GPN1: variants seen among roughly 807,000 people sequenced by gnomAD.
The protein encoded by GPN1 is GPN-loop GTPase 1.
GPN1 carries 44 observed loss-of-function variants against 55.9 expected under a neutral mutation model. The ratio of observed to expected loss-of-function variants is 0.79; its 90% CI spans 0.62 to 1.01. The LOEUF is 1.01. Ranked by LOEUF, GPN1 falls within the 50% of genes least tolerant of loss-of-function variation. GPN1 has a pLI of 0.00. For synonymous variants in GPN1, 179 were observed against 162.5 expected (o/e 1.10, Z -0.77); for missense variants, 466 against 462.8 (o/e 1.01, Z -0.06).
chr2:27,634,796 T>G (rs551518607), intron 5 of GPN1, 50 bp from the exon 6 acceptor site: 1 of 1,018,666 alleles, frequency 9.8e-7, no homozygotes, highest in East Asian at 2.4e-5. Flanking sequence ...TGGAATATCC[T>G]TCAGCATAAC....
chr2:27,647,039 A>G (rs1674267277), intron 12 of GPN1, among the ~76,000 whole-genome samples: 2 of 151,412 alleles, frequency 1.3e-5, no homozygotes, highest in Admixed American at 6.5e-5. Flanking sequence ...GAGGAAAGTC[A>G]CAAGTATAGT....
At chr2:27,628,955 C>T (rs1673408559), upstream of GPN1, 14 of 1,563,670 alleles carry the variant, frequency 9.0e-6, no homozygotes, top group African/African-American at 1.4e-5. Context: ...CTCACCCGCT[C>T]CTTTCTGACG....
chr2:27,629,219 G>A, intron 1 of GPN1, 50 bp downstream of exon 1: 1 of 1,591,532 alleles, frequency 6.3e-7, no homozygotes, highest in Non-Finnish European at 8.6e-7. Flanking sequence ...GGTTGCCTCC[G>A]GCAGGCGGAA....
rs532534880 is a variant in GPN1 at position 27,643,129 on chromosome 2, T to C, written c.931+610T>C. 1.3e-5 allele frequency among the ~76,000 whole-genome samples: 2 copies of C among 151,684 alleles called. No individual in the cohort carries two copies. The highest frequency in any genetic ancestry group is 1.3e-4 in the Admixed American group (2 of 15,262). The stretch of plus-strand genomic sequence containing the variant: ...CTTTGGCAATATACTTGATGTGTGC[T>C]GTGGTGGTTTTTTTTGTTTGTTTCT... On this transcript the variant is annotated intron_variant, in intron 12 of 13. Coordinates refer to ENST00000610189, the MANE Select transcript of GPN1 (RefSeq NM_007266.4). This position sits in a 1 kb window ranked among gnomAD's most constrained non-coding sequence, Gnocchi z 4.0.
intron 1 of GPN1, among the ~76,000 whole-genome samples, 177 bp from the exon 2 acceptor site, chr2:27,629,682 G>C (rs1673452492): frequency 6.6e-6 from 1 of 152,200 alleles, no homozygotes; most frequent in African/African-American, 2.4e-5. Context: ...TGTTAGATGG[G>C]TGATGAAGAA....
chr2:27,648,064 G>GA (rs1448093792), intron 13 of GPN1, 121 bp downstream of exon 13: 12 of 647,350 alleles, frequency 1.9e-5, no homozygotes, highest in Non-Finnish European at 2.8e-5. Flanking sequence ...TACAGCACCA[G>GA]AAAAGAGTTT....
At chr2:27,647,770 A>C in intron 12 of GPN1, 66 bp from the exon 13 acceptor site, 1 of 890,824 alleles carries the variant, frequency 1.1e-6, no homozygotes, top group Non-Finnish European at 1.9e-6. Context: ...TTATGATCAT[A>C]GTTACTTAGT....
At chr2:27,644,965 GTTTA>G (rs1181120618) in intron 12 of GPN1, among the ~76,000 whole-genome samples, 1 of 151,824 alleles carries the variant, frequency 6.6e-6, no homozygotes, top group African/African-American at 2.4e-5. Flanking sequence ...TCACTGGACT[GTTTA>G]TTTATTTATT....
intron 12 of GPN1, among the ~76,000 whole-genome samples, chr2:27,646,280 G>A (rs1463351807): frequency 6.6e-6 from 1 of 152,146 alleles, no homozygotes; most frequent in East Asian, 1.9e-4. Flanking sequence ...GACCTCAGGT[G>A]ATCTGCCCAT....
intron 12 of GPN1, among the ~76,000 whole-genome samples, chr2:27,646,096 C>A (rs1336060965): frequency 1.3e-5 from 2 of 152,172 alleles, no homozygotes; most frequent in African/African-American, 4.8e-5. Flanking sequence ...GGCTGGAGTG[C>A]AATGGCGCGA....
At chr2:27,646,321 C>T (rs1020633499) in intron 12 of GPN1, among the ~76,000 whole-genome samples, 1 of 152,150 alleles carries the variant, frequency 6.6e-6, no homozygotes, top group Non-Finnish European at 1.5e-5. Flanking sequence ...GGATTACAGG[C>T]ATGAGCCACC....
chr2:27,640,231 T>C, intron 10 of GPN1, 106 bp downstream of exon 10: 2 of 797,910 alleles, frequency 2.5e-6, no homozygotes, highest in Non-Finnish European at 4.4e-6. Flanking sequence ...ATGGATGTAT[T>C]ATATTTGGTT....
upstream of GPN1, chr2:27,628,413 A>T: frequency 6.4e-7 from 1 of 1,551,548 alleles, no homozygotes; most frequent in Non-Finnish European, 8.7e-7. Flanking sequence ...CCAAGCATTC[A>T]TCCTGAAGGT....
intron 7 of GPN1, 112 bp downstream of exon 7, chr2:27,635,346 C>T (rs1673697675): frequency 5.0e-6 from 3 of 598,458 alleles, no homozygotes; most frequent in Non-Finnish European, 8.6e-6. Flanking sequence ...TGGATTTGTG[C>T]TCATTCAGAT....
At chr2:27,628,952 G>C (rs1441671657), upstream of GPN1, 1 of 1,556,790 alleles carries the variant, frequency 6.4e-7, no homozygotes, top group South Asian at 1.2e-5. Context: ...CCCCTCACCC[G>C]CTCCTTTCTG....
upstream of GPN1, chr2:27,628,408 C>T (rs1264291922): frequency 1.9e-6 from 3 of 1,551,494 alleles, no homozygotes; most frequent in Non-Finnish European, 2.6e-6. Context: ...GGAATCCAAG[C>T]ATTCATCCTG....
At position 27,638,313 on chromosome 2, in the gene GPN1, A is replaced by C. The variant is rs1673811708; in HGVS notation, c.570+58A>C. 25 of 960,456 alleles carry C rather than the reference A, an allele frequency of 2.6e-5. No individual in the cohort carries two copies. In the East Asian group the frequency reaches 5.8e-4, roughly 22 times the overall value. 59.5% of individuals were successfully genotyped at this position (960,456 alleles called of 1,614,324 possible). A position where few individuals can be genotyped will look rare whatever the true frequency, so the allele number is the denominator to read the frequency against. On this transcript the variant is annotated intron_variant, in intron 8 of 13. Transcript: ENST00000610189. ...TTTTCATCAGAACCTTGTGGTTAGA[A>C]GGTTTAGGTGGGTGAGAAAGATTAT...
intron 5 of GPN1, among the ~76,000 whole-genome samples, chr2:27,633,345 G>A (rs528475202): frequency 3.3e-5 from 5 of 152,224 alleles, no homozygotes; most frequent in East Asian, 1.9e-4. Context: ...TTGCTCTGTC[G>A]CCCAGGCTGG....
At chr2:27,634,777 C>T in intron 5 of GPN1, 69 bp from the exon 6 acceptor site, 2 of 905,340 alleles carry the variant, frequency 2.2e-6, no homozygotes, top group East Asian at 2.4e-5. Context: ...TGTTTATTGT[C>T]TTATATGATG....
Sources: allele counts gnomAD v4.1 joint callset (sites outside exome capture counted in the v4.1 genomes callset), GRCh38; gene constraint gnomAD v4.1.1; non-coding constraint Gnocchi (gnomAD v3.1); transcripts MANE v1.5; gene names NCBI Gene and HGNC (gene_info 2026-07-23, HGNC 2026-07-21).